ATRNL1: variants seen among roughly 807,000 people sequenced by gnomAD.
ATRNL1 encodes attractin like 1, also known as attractin-like protein 1.
ATRNL1 carries 95 observed loss-of-function variants against 182.7 expected under a neutral mutation model. The observed-to-expected ratio is 0.52, with a 90% CI of 0.44 to 0.62. ATRNL1 has a LOEUF of 0.62. ATRNL1 is among the 20% of genes least tolerant of loss of function. The pLI is 0.00. For synonymous variants in ATRNL1, 576 were observed against 568.3 expected, an observed-to-expected ratio of 1.01 and a Z score of -0.19; for missense variants, 1,471 against 1,679.5, an observed-to-expected ratio of 0.88 and a Z score of 2.17.
chr10:115,320,682 C>T (rs369673159), intron 18 of ATRNL1, among the ~76,000 whole-genome samples: 64 of 152,092 alleles, frequency 4.2e-4, no homozygotes, highest in African/African-American at 1.2e-3. Flanking sequence ...TTCGTCACTT[C>T]GGCTATTGAT....
chr10:115,093,935 C>T lies in ATRNL1; in HGVS notation c.185C>T (p.Pro62Leu), dbSNP rs200389808. The T allele has an allele frequency of 1.8e-4, 284 of 1,596,790 alleles. No individual in the cohort carries two copies. Among genetic ancestry groups the T allele is most frequent in the Non-Finnish European group, 2.2e-4 (255 of 1,173,148 alleles). Residue 62 changes from proline to leucine, a missense_variant, in exon 1 of 29, where the codon CCG becomes CTG. By Grantham distance (98) the Pro-to-Leu change is moderately conservative (BLOSUM62 -3). Transcript: ENST00000355044. This position sits in a 1 kb window ranked among gnomAD's most constrained non-coding sequence, Gnocchi z 6.1. The stretch of plus-strand genomic sequence containing the variant: ...TACGCGCAGGTGTCCCAGTCCAAGC[C>T]GTGCGAGAGGACCGGCTCCTGCTTC... Reference protein sequence around the residue: ...ALYAQVSQSKPCERTGSCFSG... With the variant: ...ALYAQVSQSKLCERTGSCFSG...
intron 26 of ATRNL1, among the ~76,000 whole-genome samples, chr10:115,606,450 A>G (rs1856877516): frequency 6.6e-6 from 1 of 152,046 alleles, no homozygotes; most frequent in Non-Finnish European, 1.5e-5. Flanking sequence ...AGAATATTAT[A>G]TTCCATTAAG....
At chr10:115,489,550 C>T (rs1488157704) in intron 24 of ATRNL1, among the ~76,000 whole-genome samples, 3 of 152,142 alleles carry the variant, frequency 2.0e-5, no homozygotes, top group Non-Finnish European at 1.5e-5. Context: ...GTTGCAACCT[C>T]TGCCCCTTTT....
intron 20 of ATRNL1, among the ~76,000 whole-genome samples, chr10:115,400,832 G>T (rs1554956813): frequency 1.3e-5 from 2 of 151,978 alleles, no homozygotes; most frequent in Non-Finnish European, 2.9e-5. Flanking sequence ...GGCTATGTGT[G>T]TCATTGCATG....
chr10:115,488,975 G>A (rs1354152212), intron 24 of ATRNL1, among the ~76,000 whole-genome samples: 1 of 151,978 alleles, frequency 6.6e-6, no homozygotes, highest in African/African-American at 2.4e-5. Context: ...TCTTAATTTT[G>A]TCATTTACCC....
intron 26 of ATRNL1, among the ~76,000 whole-genome samples, chr10:115,630,827 T>TACACACACACAC (rs199640218): frequency 2.3e-5 from 3 of 129,838 alleles, no homozygotes; most frequent in Non-Finnish European, 1.6e-5. Flanking sequence ...ATATGTATTA[T>TACACACACACAC]ACACACACAC....
At chr10:115,565,267 G>A (rs1337973403) in intron 26 of ATRNL1, among the ~76,000 whole-genome samples, 2 of 151,998 alleles carry the variant, frequency 1.3e-5, no homozygotes, top group Non-Finnish European at 2.9e-5. Context: ...CTAAATTACA[G>A]TCTTAGAGAA....
intron 25 of ATRNL1, among the ~76,000 whole-genome samples, chr10:115,520,273 A>G (rs552669899): frequency 5.7e-4 from 87 of 152,336 alleles, no homozygotes; most frequent in African/African-American, 2.0e-3. Flanking sequence ...GTCTAAACAC[A>G]AAGTAACCAT....
At chr10:115,798,853 G>T (rs1365372640) in intron 27 of ATRNL1, among the ~76,000 whole-genome samples, 2 of 138,784 alleles carry the variant, frequency 1.4e-5, no homozygotes, top group Admixed American at 7.8e-5. Flanking sequence ...TTGAGTCGGA[G>T]CCTCGCTCTG....
At chr10:115,729,438 G>C (rs1205761348) in intron 27 of ATRNL1, among the ~76,000 whole-genome samples, 1 of 148,094 alleles carries the variant, frequency 6.8e-6, no homozygotes, top group African/African-American at 2.5e-5. Flanking sequence ...GTTTTTTATT[G>C]ATGTTAACAC....
chr10:115,306,813 A>T (rs540997453), intron 17 of ATRNL1, among the ~76,000 whole-genome samples: 104 of 152,216 alleles, frequency 6.8e-4, no homozygotes, highest in Middle Eastern at 3.4e-3. Context: ...TTTATTTGAA[A>T]TAAGTTTTTT....
intron 26 of ATRNL1, among the ~76,000 whole-genome samples, chr10:115,692,409 A>G (rs1946422839): frequency 1.3e-5 from 2 of 152,136 alleles, no homozygotes; most frequent in African/African-American, 2.4e-5. Context: ...GAAAGCATAC[A>G]AAGTTTCAGT....
intron 17 of ATRNL1, among the ~76,000 whole-genome samples, 197 bp downstream of exon 17, chr10:115,302,240 A>G (rs1384515389): frequency 6.6e-6 from 1 of 152,198 alleles, no homozygotes; most frequent in South Asian, 2.1e-4. Flanking sequence ...TAAGTATCTT[A>G]CCCTAAATAT....
At chr10:115,325,468 C>T (rs574865581) in intron 18 of ATRNL1, among the ~76,000 whole-genome samples, 11 of 152,140 alleles carry the variant, frequency 7.2e-5, no homozygotes, top group African/African-American at 1.7e-4. Flanking sequence ...TCTCCTTTGC[C>T]ATTGCTACCA....
intron 4 of ATRNL1, among the ~76,000 whole-genome samples, chr10:115,128,030 G>A (rs1193682578): frequency 1.3e-5 from 2 of 152,316 alleles, no homozygotes; most frequent in East Asian, 1.9e-4. Context: ...AGACTGCAGG[G>A]AGTTGTGAAC....
At chr10:115,681,189 G>A (rs1031581814) in intron 26 of ATRNL1, among the ~76,000 whole-genome samples, 2 of 152,092 alleles carry the variant, frequency 1.3e-5, no homozygotes, top group Non-Finnish European at 2.9e-5. Flanking sequence ...AACTTTGAAT[G>A]TCAATTAATA....
chr10:115,575,976 A>G (rs1292890005), intron 26 of ATRNL1, among the ~76,000 whole-genome samples: 6 of 152,116 alleles, frequency 3.9e-5, no homozygotes, highest in South Asian at 2.1e-4. Flanking sequence ...GGTATCACAT[A>G]TAGATGAGAT....
chr10:115,405,064 A>T (rs1348820605), intron 20 of ATRNL1, among the ~76,000 whole-genome samples: 3 of 152,190 alleles, frequency 2.0e-5, no homozygotes, highest in African/African-American at 7.2e-5. Flanking sequence ...TACTACCTAC[A>T]AGTTGGAAGA....
intron 8 of ATRNL1, among the ~76,000 whole-genome samples, chr10:115,204,580 T>TTTTTC (rs1848726842): frequency 2.6e-5 from 4 of 152,168 alleles, no homozygotes; most frequent in Non-Finnish European, 5.9e-5. Context: ...TAATGTGGTG[T>TTTTTC]ATCACATTAA....
Sources: gnomAD v4.1 joint callset for allele counts (sites outside exome capture counted in the v4.1 genomes callset) on GRCh38, gnomAD v4.1.1 for gene constraint, Gnocchi (gnomAD v3.1) non-coding constraint, MANE v1.5 for transcripts, NCBI Gene and HGNC (gene_info 2026-07-23, HGNC 2026-07-21) for gene names.